MYO16: variants seen among roughly 807,000 people sequenced by gnomAD.
The protein encoded by MYO16 is unconventional myosin-XVI.
In MYO16, 94 loss-of-function variants were observed where a neutral mutation model predicts 205.3. The observed-to-expected ratio is 0.46, with a 90% CI of 0.39 to 0.54. MYO16 has a LOEUF of 0.54. Ranked by LOEUF, MYO16 falls within the 20% of genes least tolerant of loss-of-function variation. The probability of loss-of-function intolerance (pLI) is 0.00; values close to 1 mark genes in which losing one functional copy is unlikely to be tolerated. For synonymous variants in MYO16, 988 were observed against 954.0 expected (o/e 1.04, Z -0.66); for missense variants, 2,315 against 2,387.5 (o/e 0.97, Z 0.63).
chr13:109,173,949 G>GGT (rs1566548351), intron 33 of MYO16, among the ~76,000 whole-genome samples: 4 of 131,112 alleles, frequency 3.1e-5, no homozygotes, highest in South Asian at 2.8e-4. Context: ...TGTTTTGATG[G>GGT]GGGGGGGTAC....
chr13:108,510,317 C>T, the MYO16 span, among the ~76,000 whole-genome samples: 1 of 151,864 alleles, frequency 6.6e-6, no homozygotes, highest in South Asian at 2.1e-4. Context: ...TGGGGTTTCA[C>T]CGTGTTAGGC....
At chr13:108,611,694 A>G (rs1264728933) in intron 1 of MYO16, among the ~76,000 whole-genome samples, 1 of 152,184 alleles carries the variant, frequency 6.6e-6, no homozygotes, top group Non-Finnish European at 1.5e-5. Context: ...ACAGTCCCAC[A>G]GTAGTCCAGT....
chr13:108,520,624 A>C, the MYO16 span, among the ~76,000 whole-genome samples: 1 of 141,152 alleles, frequency 7.1e-6, no homozygotes, highest in Non-Finnish European at 1.5e-5. Flanking sequence ...ACAATCCGAT[A>C]CATTTTTACA....
chr13:108,908,320 T>C (rs1294400456), intron 15 of MYO16, among the ~76,000 whole-genome samples: 12 of 152,246 alleles, frequency 7.9e-5, no homozygotes, highest in Non-Finnish European at 1.5e-4. Flanking sequence ...ATACAACTTT[T>C]CTTACTAAGG....
At chr13:108,727,345 T>A (rs1468309797) in intron 3 of MYO16, 95 bp from the exon 4 acceptor site, 8 of 1,332,998 alleles carry the variant, frequency 6.0e-6, no homozygotes, top group Non-Finnish European at 8.2e-6. Context: ...CTCCCAAAAT[T>A]GGTATTGAAG....
chr13:108,825,702 T>A (rs382442), intron 9 of MYO16, among the ~76,000 whole-genome samples: 134,654 of 151,970 alleles, frequency 0.89, 61,921 homozygotes, highest in East Asian at 1. Context: ...TTTACAAAAA[T>A]ATCTTATTTG....
intron 34 of MYO16, among the ~76,000 whole-genome samples, chr13:109,185,026 C>T (rs1879626925): frequency 6.6e-6 from 1 of 152,096 alleles, no homozygotes; most frequent in South Asian, 2.1e-4. Context: ...TTGCCCCCCT[C>T]CCTCCCAAAG....
intron 1 of MYO16, among the ~76,000 whole-genome samples, chr13:108,599,665 A>AG (rs1878692046): frequency 1.3e-5 from 2 of 152,058 alleles, no homozygotes; most frequent in South Asian, 4.1e-4. Flanking sequence ...TGCATTAAAA[A>AG]AAATATCAAA....
intron 9 of MYO16, among the ~76,000 whole-genome samples, chr13:108,827,022 C>A (rs1876309127): frequency 6.6e-6 from 1 of 152,114 alleles, no homozygotes; most frequent in Non-Finnish European, 1.5e-5. Flanking sequence ...CCCATAAATT[C>A]TTCTCCTAGG....
chr13:108,655,457 A>G (rs1881199917), intron 1 of MYO16, among the ~76,000 whole-genome samples: 1 of 152,246 alleles, frequency 6.6e-6, no homozygotes, highest in Admixed American at 6.5e-5. Flanking sequence ...ATGCCCAGGC[A>G]AAAGTCTGCG....
intron 2 of MYO16, among the ~76,000 whole-genome samples, chr13:108,711,510 C>T (rs1013171411): frequency 6.6e-6 from 1 of 152,210 alleles, no homozygotes; most frequent in African/African-American, 2.4e-5. Context: ...TGACCTGGCT[C>T]ACAGGCGGAG....
At chr13:108,944,402 A>G (rs1882856952) in intron 16 of MYO16, among the ~76,000 whole-genome samples, 1 of 152,250 alleles carries the variant, frequency 6.6e-6, no homozygotes, top group Non-Finnish European at 1.5e-5. Context: ...TTTGATAATG[A>G]CAACATTAAG....
chr13:108,589,810 G>A, the MYO16 span, among the ~76,000 whole-genome samples: 4 of 152,104 alleles, frequency 2.6e-5, no homozygotes, highest in Non-Finnish European at 4.4e-5. Flanking sequence ...GTGGCAATCA[G>A]CAAGAATAGT....
intron 23 of MYO16, among the ~76,000 whole-genome samples, chr13:109,042,196 C>T (rs1560464): frequency 0.37 from 56,839 of 152,102 alleles, 11,534 homozygotes; most frequent in East Asian, 0.83. Context: ...CAATGTGAAA[C>T]TTCACTGATC....
At chr13:108,551,071 T>G in the MYO16 span, among the ~76,000 whole-genome samples, 1 of 152,194 alleles carries the variant, frequency 6.6e-6, no homozygotes, top group Non-Finnish European at 1.5e-5. Context: ...TCCTCCTTGC[T>G]TTCCTTCACA....
At chr13:108,995,506 G>A (rs915054044) in intron 21 of MYO16, among the ~76,000 whole-genome samples, 1 of 151,974 alleles carries the variant, frequency 6.6e-6, no homozygotes, top group African/African-American at 2.4e-5. Flanking sequence ...AGTTACATAG[G>A]TATACATGTG....
chr13:108,818,390 AAAATAAT>A (rs1362241652), intron 7 of MYO16, among the ~76,000 whole-genome samples: 1 of 151,624 alleles, frequency 6.6e-6, no homozygotes, highest in Non-Finnish European at 1.5e-5. Flanking sequence ...TCTCAAAAAA[AAAATAAT>A]AATAATAAAT....
the MYO16 span, among the ~76,000 whole-genome samples, chr13:108,563,396 C>T: frequency 1.2e-4 from 18 of 152,188 alleles, no homozygotes; most frequent in African/African-American, 4.3e-4. Flanking sequence ...TGTAGTCCCC[C>T]TATTAGGTGA....
rs754619411 is a variant in MYO16, at chr13:109,140,324, G to A, written c.4112G>A (p.Arg1371Gln). 8.7e-6 allele frequency: 14 copies of A among 1,602,822 alleles called. No individual in the cohort carries two copies. In the Admixed American group the frequency reaches 2.3e-4, roughly 27 times the overall value. ...DYSTMKKIPP[R>Q]KPKRSPNTKL... is the part of the protein sequence containing the mutation. ...AGCACCATGAAGAAGATTCCTCCTC[G>A]AAAGCCCAAGCGCAGCCCCAACACC... The change falls in exon 32 of 35, where the codon CGA (arginine) becomes CAA (glutamine). Residue 1371 changes from arginine (R) to glutamine (Q), a missense_variant. This residue lies in a region of MYO16 where 1,097 missense variants were observed against 1,092.0 expected (regional missense o/e 1.00). Coordinates refer to ENST00000457511, the MANE Select transcript of MYO16 (RefSeq NM_001198950.3). The surrounding 1 kb of genome is among the most constrained non-coding windows in gnomAD (Gnocchi z 8.0).
Sources: gnomAD v4.1 joint callset for allele counts (sites outside exome capture counted in the v4.1 genomes callset) on GRCh38, gnomAD v4.1.1 for gene constraint, gnomAD v4.1.1 regional missense constraint, Gnocchi (gnomAD v3.1) non-coding constraint, MANE v1.5 for transcripts, NCBI Gene and HGNC (gene_info 2026-07-23, HGNC 2026-07-21) for gene names.